RBSN: variants seen among roughly 807,000 people sequenced by gnomAD.
The protein encoded by RBSN is rabenosyn, RAB effector, also known as rabenosyn-5.
Under a neutral mutation model 60.5 loss-of-function variants are expected in RBSN, and 34 were observed. The observed-to-expected ratio is 0.56, with a 90% CI of 0.43 to 0.75. The LOEUF is 0.75. RBSN is among the 30% of genes least tolerant of loss of function. The probability of loss-of-function intolerance (pLI) is 0.00; values close to 1 mark genes in which losing one functional copy is unlikely to be tolerated. For missense variants in RBSN, 845 were observed against 986.8 expected (o/e 0.86, Z 1.92); for synonymous variants, 322 against 366.9 (o/e 0.88, Z 1.40).
chr3:15,073,634 C>T lies in RBSN; in HGVS notation c.*148G>A. ...TGTAGTGGAAATACCTCAAAGTGCG[C>T]AACACAAAACAGCAGATTCCTGCCC... On this transcript the variant is annotated 3_prime_UTR_variant, in exon 14 of 14. Transcript: ENST00000253699. 2 of 747,644 alleles carry T rather than the reference C, an allele frequency of 2.7e-6. No individual in the cohort carries two copies. Among genetic ancestry groups the T allele is most frequent in the Non-Finnish European group, 4.2e-6 (2 of 474,354 alleles). The allele number at this position is 747,644 out of a possible 1,614,324, so 46.3% of individuals were successfully genotyped here.
chr3:15,098,647 G>C (rs147689821), intron 1 of RBSN, among the ~76,000 whole-genome samples: 3 of 151,688 alleles, frequency 2.0e-5, no homozygotes, highest in African/African-American at 7.3e-5. Flanking sequence ...CACACAACAC[G>C]AACGACTCAA....
chr3:15,074,393 T>C lies in RBSN; in HGVS notation c.1744A>G (p.Ser582Gly). The C allele has an allele frequency of 6.2e-7, 1 of 1,614,122 alleles. No individual in the cohort carries two copies. Among genetic ancestry groups the C allele is most frequent in the East Asian group, 2.2e-5 (1 of 44,884 alleles). Residue 582 changes from serine to glycine, a missense_variant, in exon 14 of 14, where the codon AGC (serine) becomes GGC (glycine). By Grantham distance (56) the Ser-to-Gly change is moderately conservative. Transcript: ENST00000253699. The surrounding 1 kb of genome is among the most constrained non-coding windows in gnomAD (Gnocchi z 6.4). The stretch of plus-strand genomic sequence containing the variant: ...GAAGGGGTCTTGGGAGCTGTGCTGC[T>C]TGGAACTGGGGAAGAGCCTAGATCC... ...ALDLGSSPVP[S>G]STAPKTPSLS...
rs758141823 is a variant in RBSN, at chr3:15,074,542, C to A, written c.1595G>T (p.Arg532Leu). Residue 532 changes from arginine to leucine, a missense_variant, in exon 14 of 14, where the codon CGA becomes CTA. Transcript: ENST00000253699. This position sits in a 1 kb window ranked among gnomAD's most constrained non-coding sequence, Gnocchi z 6.4. Reference sequence around the variant, plus strand: ...TGCCACCCGAAACTGCTCCCTTTCTCGTTCCAACTCCCGTTCACGCAACAT... The same window carrying A: ...TGCCACCCGAAACTGCTCCCTTTCTAGTTCCAACTCCCGTTCACGCAACAT... ...LQMLRERELE[R>L]EREQFRVASL... 6.2e-7 allele frequency: 1 copy of A among 1,614,246 alleles called. No individual in the cohort carries two copies. Among genetic ancestry groups the A allele is most frequent in the Middle Eastern group, 1.6e-4 (1 of 6,062 alleles).
At position 15,074,646 on chromosome 3, in the gene RBSN, G is replaced by C; in HGVS notation, c.1491C>G (p.Asp497Glu). ...CGATGGCCTTCTCTGTCTGCTGCTG[G>C]TCATACTCGTCCTGCAGCTGCCGCA... ...ENLRQLQDEY[D>E]QQQTEKAIEL... The change falls in exon 14 of 14, where the codon GAC becomes GAG. Residue 497 changes from aspartate to glutamate, a missense_variant. Asp to Glu is a conservative substitution (Grantham distance 45, BLOSUM62 2). Coordinates refer to ENST00000253699, the MANE Select transcript of RBSN (RefSeq NM_022340.4). This position sits in a 1 kb window ranked among gnomAD's most constrained non-coding sequence, Gnocchi z 6.4. The C allele has an allele frequency of 1.9e-6, 3 of 1,614,244 alleles. No homozygotes were observed. In the South Asian group the frequency reaches 3.3e-5, roughly 18 times the overall value.
chr3:15,090,284 G>A (rs1171173837), intron 5 of RBSN, 115 bp downstream of exon 5: 1 of 1,139,528 alleles, frequency 8.8e-7, no homozygotes, highest in African/African-American at 1.6e-5. Flanking sequence ...AGGTCCATGA[G>A]AAGCTTAGAC....
At chr3:15,090,043 C>T (rs1020893132) in intron 5 of RBSN, among the ~76,000 whole-genome samples, 2 of 152,082 alleles carry the variant, frequency 1.3e-5, no homozygotes, top group African/African-American at 4.8e-5. Flanking sequence ...AGGTAATGTC[C>T]TATGTGAGAG....
At chr3:15,091,791 T>C (rs1268301268) in intron 4 of RBSN, among the ~76,000 whole-genome samples, 2 of 152,214 alleles carry the variant, frequency 1.3e-5, no homozygotes, top group Non-Finnish European at 2.9e-5. Context: ...CTAGTCCTGA[T>C]TCACAAACTA....
intron 5 of RBSN, among the ~76,000 whole-genome samples, chr3:15,089,755 C>T (rs576706615): frequency 2.0e-5 from 3 of 151,972 alleles, no homozygotes; most frequent in African/African-American, 7.2e-5. Flanking sequence ...GGACTACAGG[C>T]GCCCGCCACC....
At chr3:15,092,553 C>A (rs1369912043) in intron 4 of RBSN, among the ~76,000 whole-genome samples, 1 of 152,112 alleles carries the variant, frequency 6.6e-6, no homozygotes, top group Non-Finnish European at 1.5e-5. Flanking sequence ...AAATTACAGG[C>A]ACGTGCCAAC....
intron 4 of RBSN, among the ~76,000 whole-genome samples, chr3:15,091,113 G>A (rs922564617): frequency 3.1e-4 from 46 of 146,884 alleles, no homozygotes; most frequent in Non-Finnish European, 4.9e-4. Context: ...GGGAGGCTGA[G>A]GTGGGAGAAT....
In RBSN at chr3:15,084,665, GT is replaced by G. The variant is rs2043291036; in HGVS notation, c.598+69del. 3.3e-6 allele frequency: 5 copies of G among 1,496,320 alleles called. No individual in the cohort carries two copies. The highest frequency in any genetic ancestry group is 4.5e-6 in the Non-Finnish European group (5 of 1,117,038). The allele number at this position is 1,496,320 out of a possible 1,614,324, so 92.7% of individuals were successfully genotyped here. On this transcript the variant is annotated intron_variant, in intron 8 of 13. Coordinates refer to ENST00000253699, the MANE Select transcript of RBSN (RefSeq NM_022340.4). This position sits in a 1 kb window ranked among gnomAD's most constrained non-coding sequence, Gnocchi z 4.2. ...TTAACAAAAAGGTTCCACGATCCCA[GT>G]GGTAATTAGCAAATAAGCTAGGCCC...
Position 15,084,742 on chromosome 3 carries a change from G to A in RBSN, c.591C>T (p.Pro197=). 2 of 1,593,444 alleles carry A rather than the reference G, an allele frequency of 1.3e-6. No homozygotes were observed. The highest frequency in any genetic ancestry group is 1.7e-4 in the Middle Eastern group (1 of 5,956). Residue 197 remains proline, a synonymous_variant, in exon 8 of 14, where the codon CCC becomes CCT. Coordinates refer to ENST00000253699, the MANE Select transcript of RBSN (RefSeq NM_022340.4). The surrounding 1 kb of genome is among the most constrained non-coding windows in gnomAD (Gnocchi z 4.2). ...CACCTCCAAGTCACCTACTTGCCAAGGGAAGGCTGATGAGCTCCATACACT... is the reference window on the plus strand; with the variant it reads ...CACCTCCAAGTCACCTACTTGCCAAAGGAAGGCTGATGAGCTCCATACACT... The part of the protein sequence containing the change: ...CKKCMELISL[P]LANKLTSASK...
chr3:15,075,312 C>G, intron 13 of RBSN: 1 of 627,018 alleles, frequency 1.6e-6, no homozygotes, highest in Non-Finnish European at 2.9e-6. Context: ...CAAGGAACTT[C>G]CTAATGTCTT....
chr3:15,097,694 G>A (rs942759165), intron 2 of RBSN, among the ~76,000 whole-genome samples: 5 of 151,990 alleles, frequency 3.3e-5, no homozygotes, highest in African/African-American at 1.2e-4. Flanking sequence ...CAAAAGCAGA[G>A]AAATTTCTCC....
intron 2 of RBSN, among the ~76,000 whole-genome samples, chr3:15,097,671 C>T (rs895652155): frequency 6.6e-6 from 1 of 152,078 alleles, no homozygotes. Flanking sequence ...GAAATTGAGA[C>T]AAAACCATTC....
At chr3:15,079,164 G>A (rs2043142078) in intron 10 of RBSN, among the ~76,000 whole-genome samples, 1 of 152,158 alleles carries the variant, frequency 6.6e-6, no homozygotes, top group South Asian at 2.1e-4. Flanking sequence ...CACAGTCTCT[G>A]TTGCTGCTAT....
Position 15,082,109 on chromosome 3 carries a change from G to A in RBSN, c.840+258C>T, listed in dbSNP as rs1406583917. On this transcript the variant is annotated intron_variant, in intron 9 of 13. Coordinates refer to ENST00000253699, the MANE Select transcript of RBSN (RefSeq NM_022340.4). The surrounding 1 kb of genome is among the most constrained non-coding windows in gnomAD (Gnocchi z 4.2). ...CTGCCCTTCCTCCTATTGCCTCTGG[G>A]CCACCAAAGCTTCCACCCACCTGCT... 6.6e-6 allele frequency among the ~76,000 whole-genome samples: 1 copy of A among 152,032 alleles called. No individual in the cohort carries two copies. Among genetic ancestry groups the A allele is most frequent in the Non-Finnish European group, 1.5e-5 (1 of 68,010 alleles).
intron 4 of RBSN, among the ~76,000 whole-genome samples, chr3:15,094,557 T>A (rs947196401): frequency 1.3e-5 from 2 of 152,210 alleles, no homozygotes; most frequent in African/African-American, 4.8e-5. Flanking sequence ...GAGAGTCAGA[T>A]GAAACAATAA....
chr3:15,081,817 C>A (rs1016984741), intron 9 of RBSN, among the ~76,000 whole-genome samples: 1 of 152,312 alleles, frequency 6.6e-6, no homozygotes, highest in African/African-American at 2.4e-5. Flanking sequence ...GTCTCACTCC[C>A]AGATATTCTT....
Sources: allele counts gnomAD v4.1 joint callset (sites outside exome capture counted in the v4.1 genomes callset), GRCh38; gene constraint gnomAD v4.1.1; non-coding constraint Gnocchi (gnomAD v3.1); transcripts MANE v1.5; gene names NCBI Gene and HGNC (gene_info 2026-07-23, HGNC 2026-07-21).